Variants in COL23A1 observed in about 807,000 individuals in gnomAD.
COL23A1 encodes the protein collagen type XXIII alpha 1 chain.
Under a neutral mutation model 99.3 loss-of-function variants are expected in COL23A1, and 97 were observed. The ratio of observed to expected loss-of-function variants is 0.98; its 90% confidence interval spans 0.83 to 1.16. The LOEUF (loss-of-function observed/expected upper bound fraction) is 1.16. COL23A1 is among the 50% of genes most tolerant of loss of function. The pLI is 0.00. For synonymous variants in COL23A1, 320 were observed against 308.2 expected, an observed-to-expected ratio of 1.04 and a Z score of -0.40; for missense variants, 762 against 757.4, an observed-to-expected ratio of 1.01 and a Z score of -0.07.
intron 2 of COL23A1, among the ~76,000 whole-genome samples, chr5:178,425,713 G>A (rs1341476740): frequency 2.0e-5 from 3 of 152,186 alleles, no homozygotes; most frequent in African/African-American, 4.8e-5. Context: ...ATGGCAGGCC[G>A]GCCATCTGCA....
At chr5:178,522,747 G>A (rs369550954) in intron 2 of COL23A1, among the ~76,000 whole-genome samples, 5 of 152,232 alleles carry the variant, frequency 3.3e-5, no homozygotes, top group East Asian at 3.9e-4. Flanking sequence ...CCAAGAAAGC[G>A]CTAAGCACCC....
chr5:178,247,527 T>C lies in COL23A1; in HGVS notation c.1295A>G (p.Lys432Arg), dbSNP rs755902688. ...PMGLQGIQGP[K>R]GLDGAKGEKG... ...GTAGAGGGGTCTGTGCCCACTCACC[T>C]TGGGACCCTGGATTCCCTGGAGGCC... The change falls in exon 22 of 29, where the codon AAG becomes AGG. Residue 432 changes from lysine to arginine, a missense_variant and splice_region_variant. By Grantham distance (26) the Lys-to-Arg change is conservative. Coordinates refer to ENST00000390654, the MANE Select transcript of COL23A1 (RefSeq NM_173465.4). 2.5e-6 allele frequency: 4 copies of C among 1,613,994 alleles called. No individual in the cohort carries two copies. The highest frequency in any genetic ancestry group is 2.7e-5 in the African/African-American group (2 of 74,936).
chr5:178,463,906 C>T (rs369771499), intron 2 of COL23A1, among the ~76,000 whole-genome samples: 8 of 152,098 alleles, frequency 5.3e-5, no homozygotes, highest in African/African-American at 1.7e-4. Flanking sequence ...CCAGCCTGGG[C>T]GTGCAGAGAC....
chr5:178,248,403 A>C, intron 19 of COL23A1, 149 bp from the exon 20 acceptor site: 3 of 581,062 alleles, frequency 5.2e-6, no homozygotes, highest in South Asian at 2.3e-5. Flanking sequence ...CCCTACATCC[A>C]TGTGCCACGC....
chr5:178,556,653 A>AAAT (rs1355506729), intron 2 of COL23A1, among the ~76,000 whole-genome samples: 1 of 149,686 alleles, frequency 6.7e-6, no homozygotes, highest in African/African-American at 2.5e-5. Context: ...AAATAAAATA[A>AAAT]AATAAAATAA....
chr5:178,513,885 G>T (rs960248511), intron 2 of COL23A1, among the ~76,000 whole-genome samples: 7 of 151,650 alleles, frequency 4.6e-5, no homozygotes, highest in African/African-American at 1.7e-4. Context: ...TTTTTTAATT[G>T]CAGTAACATA....
intron 27 of COL23A1, among the ~76,000 whole-genome samples, chr5:178,240,079 G>A (rs1764311558): frequency 6.6e-6 from 1 of 152,278 alleles, no homozygotes; most frequent in East Asian, 1.9e-4. Context: ...GGGGGTTGGG[G>A]CTGGGCCTGG....
At chr5:178,390,379 C>T (rs1320937266) in intron 2 of COL23A1, among the ~76,000 whole-genome samples, 1 of 152,230 alleles carries the variant, frequency 6.6e-6, no homozygotes, top group Non-Finnish European at 1.5e-5. Context: ...AGGTCACCTG[C>T]TGGTGCACTC....
intron 2 of COL23A1, among the ~76,000 whole-genome samples, chr5:178,326,042 C>A (rs1247185390): frequency 6.6e-6 from 1 of 152,180 alleles, no homozygotes; most frequent in Non-Finnish European, 1.5e-5. Flanking sequence ...CCAGGGAGCA[C>A]CCGAGACCCC....
chr5:178,480,653 T>C (rs996891117), intron 2 of COL23A1, among the ~76,000 whole-genome samples: 14 of 152,194 alleles, frequency 9.2e-5, no homozygotes, highest in Middle Eastern at 3.2e-3. Context: ...TTATGCTGTG[T>C]TCAACAGCTC....
chr5:178,384,200 G>GAGC lies in COL23A1; in HGVS notation c.362-77284_362-77282dup, dbSNP rs201491051. 0.027 allele frequency among the ~76,000 whole-genome samples: 4,154 copies of GAGC among 152,282 alleles called. 63 individuals are homozygous for GAGC. Among genetic ancestry groups the GAGC allele is most frequent in the African/African-American group, 0.044 (1,817 of 41,556 alleles). On this transcript the variant is annotated intron_variant, in intron 2 of 28. Transcript: ENST00000390654. This position sits in a 1 kb window ranked among gnomAD's most constrained non-coding sequence, Gnocchi z 5.5. ...GGCACTTTTAAGATAGTGACAACGA[G>GAGC]AGCAGCGTGGAGCCAGACGCTGCTG...
At chr5:178,526,006 T>C (rs1012892665) in intron 2 of COL23A1, among the ~76,000 whole-genome samples, 12 of 152,194 alleles carry the variant, frequency 7.9e-5, no homozygotes, top group Non-Finnish European at 1.6e-4. Flanking sequence ...CAGCTTGAGG[T>C]AGTCAGCACT....
intron 2 of COL23A1, among the ~76,000 whole-genome samples, chr5:178,346,091 A>C (rs1760953745): frequency 6.6e-6 from 1 of 152,214 alleles, no homozygotes; most frequent in African/African-American, 2.4e-5. Context: ...GTTGTATATT[A>C]CTGACCATTC....
chr5:178,565,813 A>G (rs1762813427), intron 1 of COL23A1, among the ~76,000 whole-genome samples: 1 of 151,976 alleles, frequency 6.6e-6, no homozygotes, highest in South Asian at 2.1e-4. Flanking sequence ...ATCTACAAAC[A>G]TTCTTTAAAG....
At chr5:178,582,331 C>T (rs367875913) in intron 1 of COL23A1, among the ~76,000 whole-genome samples, 41 of 151,720 alleles carry the variant, frequency 2.7e-4, no homozygotes, top group Non-Finnish European at 4.3e-4. Context: ...GGAGCTGGAG[C>T]GCTAATGGGC....
At position 178,247,790 on chromosome 5, in the gene COL23A1, G is replaced by A. The variant is rs749933590; in HGVS notation, c.1254C>T (p.Gly418=). Residue 418 remains glycine (G), a synonymous_variant, in exon 21 of 29, where the codon GGC becomes GGT. Coordinates refer to ENST00000390654, the MANE Select transcript of COL23A1 (RefSeq NM_173465.4). ...IVEPGPPGPP[G]PPGPMGLQGI... ...CCGTCCTTACCATCGGGCCTGGGGGGCCAGGGGGGCCAGGGGGCCCTGGCT... is the reference window on the plus strand; with the variant it reads ...CCGTCCTTACCATCGGGCCTGGGGGACCAGGGGGGCCAGGGGGCCCTGGCT... The A allele has an allele frequency of 6.8e-6, 11 of 1,611,642 alleles. No individual in the cohort carries two copies. The highest frequency in any genetic ancestry group is 2.7e-5 in the African/African-American group (2 of 74,300).
At chr5:178,462,055 A>C (rs755704023) in intron 2 of COL23A1, among the ~76,000 whole-genome samples, 1 of 152,210 alleles carries the variant, frequency 6.6e-6, no homozygotes, top group Non-Finnish European at 1.5e-5. Flanking sequence ...GGCACCCAGC[A>C]CAGCTGCTGG....
intron 27 of COL23A1, among the ~76,000 whole-genome samples, chr5:178,241,610 G>A (rs1764404943): frequency 6.6e-6 from 1 of 152,202 alleles, no homozygotes; most frequent in South Asian, 2.1e-4. Context: ...CAGCGTGTCT[G>A]TGCTAACTTT....
At chr5:178,332,642 A>G (rs777858466) in intron 2 of COL23A1, among the ~76,000 whole-genome samples, 2 of 152,212 alleles carry the variant, frequency 1.3e-5, no homozygotes, top group East Asian at 1.9e-4. Flanking sequence ...AGACTCGTTC[A>G]GCTAAAATCA....
Sources: allele counts gnomAD v4.1 joint callset (sites outside exome capture counted in the v4.1 genomes callset), GRCh38; gene constraint gnomAD v4.1.1; non-coding constraint Gnocchi (gnomAD v3.1); transcripts MANE v1.5; gene names NCBI Gene and HGNC (gene_info 2026-07-23, HGNC 2026-07-21).